CELF2: variants seen among roughly 807,000 people sequenced by gnomAD.
The protein encoded by CELF2 is CUG triplet repeat RNA-binding protein 2.
A neutral mutation model predicts 62.6 loss-of-function variants in CELF2; 8 were observed. That is an observed-to-expected ratio of 0.13 (90% CI 0.07 to 0.23). The LOEUF is 0.23. Ranked by LOEUF, CELF2 falls within the 10% of genes least tolerant of loss-of-function variation. CELF2 has a pLI of 1.00. For synonymous variants in CELF2, 258 were observed against 250.0 expected, an observed-to-expected ratio of 1.03 and a Z score of -0.30; for missense variants, 333 against 671.0, an observed-to-expected ratio of 0.50 and a Z score of 5.56.
chr10:10,757,508 A>G, the CELF2 span, among the ~76,000 whole-genome samples: 113 of 152,354 alleles, frequency 7.4e-4, no homozygotes, highest in African/African-American at 2.6e-3. Flanking sequence ...TTGGAATTCA[A>G]CAATGACAAT....
At position 11,255,692 on chromosome 10, in the gene CELF2, G is replaced by A. The variant is rs1450267073; in HGVS notation, c.404-2046G>A. On this transcript the variant is annotated intron_variant, in intron 4 of 12. Transcript: ENST00000633077. This position sits in a 1 kb window ranked among gnomAD's most constrained non-coding sequence, Gnocchi z 5.5. ...AAGGGATTCTGACCCCCCACTCACCGTCCCTGCCTCAAGAGCCCCAGTCAC... is the reference window on the plus strand; with the variant it reads ...AAGGGATTCTGACCCCCCACTCACCATCCCTGCCTCAAGAGCCCCAGTCAC... 2.0e-5 allele frequency among the ~76,000 whole-genome samples: 3 copies of A among 152,048 alleles called. No homozygotes were observed. Among genetic ancestry groups the A allele is most frequent in the East Asian group, 1.9e-4 (1 of 5,190 alleles).
rs140479271 is a variant in CELF2 at position 10,967,103 on chromosome 10, C to T, written c.89+47104C>T. ...TACCAAAGTAGGTTCACGGAGACTC[C>T]GGTGCTGCCACGTGGTCAGAGGGTG... On this transcript the variant is annotated intron_variant, in intron 2 of 13. Transcript: ENST00000636488. Among the ~76,000 whole-genome samples, 253 of 152,288 alleles carry T rather than the reference C, an allele frequency of 1.7e-3. 1 individual carries two copies. Among genetic ancestry groups the T allele is most frequent in the African/African-American group, 5.4e-3 (224 of 41,566 alleles).
chr10:10,542,310 C>T, the CELF2 span, among the ~76,000 whole-genome samples: 3 of 152,238 alleles, frequency 2.0e-5, no homozygotes, highest in Admixed American at 2.0e-4. Context: ...TATTCAAACA[C>T]AAGTTAGCAT....
intron 1 of CELF2, among the ~76,000 whole-genome samples, chr10:11,148,919 A>T (rs2062778037): frequency 6.6e-6 from 1 of 151,986 alleles, no homozygotes; most frequent in South Asian, 2.1e-4. Flanking sequence ...TAGTGTATTA[A>T]AAATAGCCTC....
intron 2 of CELF2, among the ~76,000 whole-genome samples, chr10:10,937,121 C>CTTTTTTTTTTTTTTTTTTTTTT (rs373143426): frequency 4.1e-4 from 37 of 90,508 alleles, no homozygotes; most frequent in Non-Finnish European, 5.4e-4. Context: ...TTTTTCTTTT[C>CTTTTTTTTTTTTTTTTTTTTTT]TTTTTTTTTT....
At chr10:10,633,072 ATT>A in the CELF2 span, among the ~76,000 whole-genome samples, 1 of 152,034 alleles carries the variant, frequency 6.6e-6, no homozygotes. Flanking sequence ...CATTGAAGTT[ATT>A]TTTCAATGTT....
At chr10:10,693,880 C>A in the CELF2 span, among the ~76,000 whole-genome samples, 499 of 151,660 alleles carry the variant, frequency 3.3e-3, 2 homozygotes, top group African/African-American at 0.012. Context: ...TTTTTTATTG[C>A]GTCTATTTCA....
chr10:11,167,881 G>A (rs1284153453), intron 2 of CELF2, among the ~76,000 whole-genome samples: 2 of 152,174 alleles, frequency 1.3e-5, no homozygotes, highest in Non-Finnish European at 2.9e-5. Context: ...TGAGGAAACT[G>A]AGGCTTATAA....
chr10:10,911,411 T>A (rs1240067803), intron 1 of CELF2, among the ~76,000 whole-genome samples: 1 of 152,174 alleles, frequency 6.6e-6, no homozygotes, highest in Non-Finnish European at 1.5e-5. Context: ...TCAACAGGAC[T>A]CCCCAAGTGA....
At chr10:10,552,293 CAATG>C in the CELF2 span, among the ~76,000 whole-genome samples, 3 of 152,130 alleles carry the variant, frequency 2.0e-5, no homozygotes, top group Non-Finnish European at 4.4e-5. Flanking sequence ...TTGTAACTAG[CAATG>C]AATGGATAGG....
At chr10:10,686,881 G>A in the CELF2 span, among the ~76,000 whole-genome samples, 2 of 152,162 alleles carry the variant, frequency 1.3e-5, no homozygotes, top group African/African-American at 4.8e-5. Context: ...GGGATGACTG[G>A]TCCCATGCCC....
chr10:10,974,775 C>T (rs1219130189), intron 2 of CELF2, among the ~76,000 whole-genome samples: 2 of 152,204 alleles, frequency 1.3e-5, no homozygotes, highest in Non-Finnish European at 2.9e-5. Context: ...ATCTTAGACA[C>T]ATTGAGCCCT....
chr10:10,640,805 C>T, the CELF2 span, among the ~76,000 whole-genome samples: 1 of 152,140 alleles, frequency 6.6e-6, no homozygotes, highest in South Asian at 2.1e-4. Flanking sequence ...ATGACAAAAT[C>T]CTTGGTTTTA....
chr10:11,299,468 C>G (rs921168209), intron 9 of CELF2, among the ~76,000 whole-genome samples: 8 of 152,186 alleles, frequency 5.3e-5, no homozygotes, highest in Non-Finnish European at 7.3e-5. Context: ...CCAACCCCCC[C>G]CAGGAAGGCC....
At chr10:10,961,016 CCT>C (rs1166283627) in intron 2 of CELF2, among the ~76,000 whole-genome samples, 4 of 152,190 alleles carry the variant, frequency 2.6e-5, no homozygotes, top group Non-Finnish European at 5.9e-5. Context: ...AATATTTCTC[CCT>C]GTTTCATTAG....
chr10:10,578,184 C>T, the CELF2 span, among the ~76,000 whole-genome samples: 1 of 152,152 alleles, frequency 6.6e-6, no homozygotes, highest in Admixed American at 6.5e-5. Context: ...TGTTCATATC[C>T]TTCACCCACT....
At chr10:11,209,057 G>T (rs1048171754) in intron 2 of CELF2, among the ~76,000 whole-genome samples, 1 of 152,176 alleles carries the variant, frequency 6.6e-6, no homozygotes, top group Admixed American at 6.5e-5. Flanking sequence ...CTTCTTGGAG[G>T]TTCTCCCTTT....
chr10:11,215,437 T>C (rs1340253378), intron 2 of CELF2, among the ~76,000 whole-genome samples: 1 of 152,232 alleles, frequency 6.6e-6, no homozygotes, highest in Non-Finnish European at 1.5e-5. Context: ...CGTTCTTGGC[T>C]GTGGCGTGGC....
At chr10:11,168,464 T>C (rs549674838) in intron 2 of CELF2, among the ~76,000 whole-genome samples, 13 of 152,364 alleles carry the variant, frequency 8.5e-5, no homozygotes, top group Admixed American at 6.5e-4. Context: ...TTTATTCATG[T>C]TGATACCTAT....
Sources: allele counts gnomAD v4.1 joint callset (sites outside exome capture counted in the v4.1 genomes callset), GRCh38; gene constraint gnomAD v4.1.1; non-coding constraint Gnocchi (gnomAD v3.1); transcripts MANE v1.5; gene names NCBI Gene and HGNC (gene_info 2026-07-23, HGNC 2026-07-21).